Variants in FCHO2 observed in about 807,000 individuals in gnomAD.
FCHO2 encodes the protein F-BAR domain only protein 2.
FCHO2 carries 43 observed loss-of-function variants against 114.1 expected under a neutral mutation model. That is an observed-to-expected ratio of 0.38 (90% CI 0.30 to 0.49). The LOEUF (loss-of-function observed/expected upper bound fraction) is 0.49, where lower values mean the gene tolerates loss of function less well. Among genes scored for constraint, FCHO2 ranks in the 20% least tolerant of loss-of-function variants. FCHO2 has a pLI of 0.97. For synonymous variants in FCHO2, 293 were observed against 315.2 expected (o/e 0.93, Z 0.75); for missense variants, 807 against 950.4 (o/e 0.85, Z 1.98).
intron 21 of FCHO2, among the ~76,000 whole-genome samples, 159 bp from the exon 22 acceptor site, chr5:73,078,021 C>T (rs1296791935): frequency 1.3e-5 from 2 of 152,156 alleles, no homozygotes; most frequent in African/African-American, 4.8e-5. Flanking sequence ...TTCAAGCAAG[C>T]TTCTCCTGTG....
intron 19 of FCHO2, among the ~76,000 whole-genome samples, chr5:73,070,364 C>A (rs1163011973): frequency 1.3e-5 from 2 of 151,838 alleles, no homozygotes; most frequent in Non-Finnish European, 2.9e-5. Flanking sequence ...GTGAACACAG[C>A]ATTTTTCCCA....
intron 11 of FCHO2, among the ~76,000 whole-genome samples, chr5:73,050,171 A>G (rs1012129966): frequency 6.6e-6 from 1 of 151,526 alleles, no homozygotes; most frequent in Non-Finnish European, 1.5e-5. Context: ...TGAAATAACC[A>G]TTCAGTATTT....
In FCHO2 at chr5:73,017,226, T is replaced by C; in HGVS notation, c.714T>C (p.Phe238=). The C allele has an allele frequency of 6.5e-7, 1 of 1,537,404 alleles. No homozygotes were observed. The highest frequency in any genetic ancestry group is 2.4e-5 in the East Asian group (1 of 40,990). The change falls in exon 8 of 26, where the codon TTT becomes TTC. Residue 238 remains phenylalanine, a synonymous_variant. Transcript: ENST00000430046. ...CATTTTAATAGGTCCATGAAGAATTTATAAATAACATGGCTAATACTACAG... is the reference window on the plus strand; with the variant it reads ...CATTTTAATAGGTCCATGAAGAATTCATAAATAACATGGCTAATACTACAG... ...HLQIGQVHEE[F]INNMANTTVE...
intron 14 of FCHO2, 22 bp from the exon 15 acceptor site, chr5:73,054,503 C>T: frequency 1.3e-6 from 2 of 1,529,690 alleles, no homozygotes; most frequent in Non-Finnish European, 1.8e-6. Context: ...TTTATGGTAC[C>T]TATTTTGCAT....
chr5:73,027,480 G>A (rs1023525891), intron 8 of FCHO2, among the ~76,000 whole-genome samples: 7 of 151,322 alleles, frequency 4.6e-5, no homozygotes, highest in Non-Finnish European at 8.8e-5. Flanking sequence ...TACAAGAAAC[G>A]TTTGTCTAAT....
At chr5:72,957,206 T>G (rs1174012366) in intron 1 of FCHO2, among the ~76,000 whole-genome samples, 1 of 151,542 alleles carries the variant, frequency 6.6e-6, no homozygotes, top group Non-Finnish European at 1.5e-5. Flanking sequence ...GGTGTTTTGT[T>G]TTTTAAACAG....
chr5:72,974,023 T>G (rs1413960380), intron 2 of FCHO2, among the ~76,000 whole-genome samples: 3 of 151,568 alleles, frequency 2.0e-5, no homozygotes, highest in Middle Eastern at 3.4e-3. Context: ...TTGAGTGAGA[T>G]TCTTAATCCT....
Position 72,989,562 on chromosome 5 carries a change from G to T in FCHO2, c.200+61G>T, listed in dbSNP as rs1753714989. ...TAGGCAAAGTTCTTAAGGATTCTAG[G>T]TTCCTTTTGAGGACATAACAGTTCA... On this transcript the variant is annotated intron_variant, in intron 3 of 25. Coordinates refer to ENST00000430046, the MANE Select transcript of FCHO2 (RefSeq NM_138782.3). The T allele has an allele frequency of 2.1e-6, 3 of 1,402,246 alleles. No individual in the cohort carries two copies. In the Admixed American group the frequency reaches 5.9e-5, roughly 28 times the overall value. The allele number at this position is 1,402,246 out of a possible 1,614,324, so 86.9% of individuals were successfully genotyped here. A position where few individuals can be genotyped will look rare whatever the true frequency, so the allele number is the denominator to read the frequency against.
intron 8 of FCHO2, among the ~76,000 whole-genome samples, chr5:73,028,879 C>G (rs1663295413): frequency 6.6e-6 from 1 of 151,954 alleles, no homozygotes; most frequent in African/African-American, 2.4e-5. Context: ...GAACTCCTGA[C>G]CTCGTGATCC....
intron 7 of FCHO2, among the ~76,000 whole-genome samples, chr5:73,016,148 G>A (rs1165836390): frequency 6.6e-6 from 1 of 152,024 alleles, no homozygotes; most frequent in Non-Finnish European, 1.5e-5. Flanking sequence ...GAAAGATGAA[G>A]TCTGTTATTC....
chr5:73,025,404 GT>G (rs1295190810), intron 8 of FCHO2, among the ~76,000 whole-genome samples: 2 of 144,530 alleles, frequency 1.4e-5, no homozygotes, highest in African/African-American at 5.1e-5. Context: ...TTGAGATGGA[GT>G]TTCGCTCTTG....
intron 23 of FCHO2, among the ~76,000 whole-genome samples, chr5:73,082,473 TC>T (rs1210813798): frequency 1.3e-5 from 2 of 152,166 alleles, no homozygotes; most frequent in African/African-American, 4.8e-5. Context: ...ACATGTGTCT[TC>T]CTTGACTAAT....
chr5:72,984,319 T>G (rs548154985), intron 2 of FCHO2, among the ~76,000 whole-genome samples: 4 of 151,954 alleles, frequency 2.6e-5, no homozygotes, highest in African/African-American at 9.6e-5. Context: ...TCTATACTTG[T>G]GAGTGAGATT....
At chr5:73,040,886 A>G (rs992439089) in intron 10 of FCHO2, among the ~76,000 whole-genome samples, 4 of 152,050 alleles carry the variant, frequency 2.6e-5, no homozygotes, top group Admixed American at 2.0e-4. Context: ...TTTCTTCTTT[A>G]AGGACATTTT....
At position 72,982,380 on chromosome 5, in the gene FCHO2, T is replaced by C. The variant is rs75604775; in HGVS notation, c.126-7047T>C. 2.3e-3 allele frequency among the ~76,000 whole-genome samples: 352 copies of C among 152,332 alleles called. 5 individuals are homozygous for C. The highest frequency in any genetic ancestry group is 7.9e-3 in the African/African-American group (330 of 41,576). On this transcript the variant is annotated intron_variant, in intron 2 of 25. Coordinates refer to ENST00000430046, the MANE Select transcript of FCHO2 (RefSeq NM_138782.3). The stretch of plus-strand genomic sequence containing the variant: ...AGCCATCTTGCCAGCTGCCCCCTTA[T>C]TGGGTTTTAAGAGTTCTTTATATAT...
intron 15 of FCHO2, among the ~76,000 whole-genome samples, chr5:73,054,768 A>G (rs1561482242): frequency 6.6e-6 from 1 of 152,148 alleles, no homozygotes; most frequent in Non-Finnish European, 1.5e-5. Context: ...TGGCTACAAC[A>G]TTTTTCAGAA....
chr5:73,014,904 C>T (rs943228420), intron 6 of FCHO2, among the ~76,000 whole-genome samples: 9 of 151,446 alleles, frequency 5.9e-5, no homozygotes, highest in Middle Eastern at 3.2e-3. Context: ...CGGTGAAACC[C>T]GTCTCTACTA....
chr5:73,053,467 G>A (rs972788941), intron 13 of FCHO2, among the ~76,000 whole-genome samples: 17 of 152,198 alleles, frequency 1.1e-4, no homozygotes, highest in South Asian at 8.3e-4. Flanking sequence ...AGGCCGAGGC[G>A]GGTGGATCAC....
At chr5:73,086,982 A>G (rs1743333497) in intron 24 of FCHO2, among the ~76,000 whole-genome samples, 1 of 152,162 alleles carries the variant, frequency 6.6e-6, no homozygotes, top group Admixed American at 6.6e-5. Context: ...GTAGCTCCTC[A>G]GAGCTCCTTT....
Sources: gnomAD v4.1 joint callset for allele counts (sites outside exome capture counted in the v4.1 genomes callset) on GRCh38, gnomAD v4.1.1 for gene constraint, MANE v1.5 for transcripts, NCBI Gene and HGNC (gene_info 2026-07-23, HGNC 2026-07-21) for gene names.